TYMS: variants seen among roughly 807,000 people sequenced by gnomAD.
TYMS encodes thymidylate synthetase.
TYMS carries 21 observed loss-of-function variants against 39.3 expected under a neutral mutation model. The ratio of observed to expected loss-of-function variants is 0.54; its 90% confidence interval spans 0.38 to 0.77. The LOEUF is 0.77. Ranked by LOEUF, TYMS falls within the 30% of genes least tolerant of loss-of-function variation. The pLI, the probability that TYMS is intolerant of heterozygous loss-of-function variation, is 0.00. For missense variants in TYMS, 273 were observed against 406.7 expected (o/e 0.67, Z 2.83); for synonymous variants, 171 against 162.2 (o/e 1.05, Z -0.41).
chr18:671,565 G>A (rs945269577), intron 6 of TYMS, 114 bp downstream of exon 6: 1 of 770,096 alleles, frequency 1.3e-6, no homozygotes, highest in African/African-American at 1.7e-5. Flanking sequence ...TGCTCCAAAT[G>A]TGGGGCTTCA....
In TYMS at chr18:657,737, C is replaced by T; in HGVS notation, c.-6C>T. The T allele has an allele frequency of 1.5e-6, 2 of 1,338,076 alleles. No individual in the cohort carries two copies. Among genetic ancestry groups the T allele is most frequent in the African/African-American group, 1.6e-5 (1 of 61,984 alleles). 82.9% of individuals were successfully genotyped at this position (1,338,076 alleles called of 1,614,324 possible). On this transcript the variant is annotated 5_prime_UTR_variant, in exon 1 of 7. Coordinates refer to ENST00000323274, the MANE Select transcript of TYMS (RefSeq NM_001071.4). The stretch of plus-strand genomic sequence containing the variant: ...TCGCCTGCCTCCGTCCCCCGCCCGC[C>T]GCGCCATGCCTGTGGCCGGCTCGGA...
Position 667,571 on chromosome 18 carries a change from AG to A in TYMS, c.455-1500del, listed in dbSNP as rs2074879993. ...GTGATGGAGATGGTGATGGTGATGG[AG>A]ATGGTGATGGTGATGGTGATGGTGA... On this transcript the variant is annotated intron_variant, in intron 3 of 6. Coordinates refer to ENST00000323274, the MANE Select transcript of TYMS (RefSeq NM_001071.4). 20 of 27,952 alleles carry A rather than the reference AG, an allele frequency of 7.2e-4. 2 individuals carry two copies. Among genetic ancestry groups the A allele is most frequent in the Admixed American group, 6.5e-3 (19 of 2,926 alleles). The allele number at this position is 27,952 out of a possible 1,614,324, so 1.7% of individuals were successfully genotyped here.
Position 667,023 on chromosome 18 carries a change from AGATGGTGATGGAGATGGTGATGGT to A in TYMS, c.455-2043_455-2020del, listed in dbSNP as rs2074847005. On this transcript the variant is annotated intron_variant, in intron 3 of 6. Transcript: ENST00000323274. ...GAGATGGTGATGGTGATGGAGATGG[AGATGGTGATGGAGATGGTGATGGT>A]GATGGAGATGGAGATGGTGATGGTG... 3.6e-3 allele frequency among the ~76,000 whole-genome samples: 15 copies of A among 4,124 alleles called. 1 individual carries two copies. Among genetic ancestry groups the A allele is most frequent in the African/African-American group, 0.012 (10 of 824 alleles). The allele number at this position is 4,124 out of a possible 152,430, so 2.7% of individuals were successfully genotyped here.
chr18:664,176 A>G (rs2074784330), intron 3 of TYMS, among the ~76,000 whole-genome samples: 1 of 151,872 alleles, frequency 6.6e-6, no homozygotes, highest in Admixed American at 6.6e-5. Context: ...ATTTCTTTGT[A>G]TCCTCTTTTA....
chr18:667,515 GGT>G (rs1216908741), intron 3 of TYMS, among the ~76,000 whole-genome samples: 4 of 76,464 alleles, frequency 5.2e-5, no homozygotes, highest in Admixed American at 1.1e-4. Flanking sequence ...TGATGGTGAT[GGT>G]GATGGTGATG....
chr18:667,145 ATGGT>A (rs1479653556), intron 3 of TYMS, among the ~76,000 whole-genome samples: 16 of 97,324 alleles, frequency 1.6e-4, no homozygotes, highest in Admixed American at 2.8e-4. Flanking sequence ...GGTGATGGTG[ATGGT>A]GATGGTGATG....
intron 5 of TYMS, 87 bp from the exon 6 acceptor site, chr18:671,293 C>A: frequency 1.1e-6 from 1 of 883,790 alleles, no homozygotes; most frequent in South Asian, 1.4e-5. Flanking sequence ...AAAAGCCTTG[C>A]GGTGTCTGCA....
chr18:667,161 A>AGATGGT (rs1318850948), intron 3 of TYMS, among the ~76,000 whole-genome samples: 12 of 38,520 alleles, frequency 3.1e-4, no homozygotes, highest in Non-Finnish European at 5.0e-4. Context: ...ATGGTGATGG[A>AGATGGT]GATGGTGATG....
At chr18:670,944 T>C in intron 5 of TYMS, 77 bp downstream of exon 5, 1 of 1,520,448 alleles carries the variant, frequency 6.6e-7, no homozygotes, top group Middle Eastern at 2.1e-4. Flanking sequence ...GAAAACAAAT[T>C]GCAGAGTTTA....
intron 3 of TYMS, among the ~76,000 whole-genome samples, chr18:666,679 A>C (rs1156750208): frequency 6.6e-6 from 1 of 152,226 alleles, no homozygotes; most frequent in Non-Finnish European, 1.5e-5. Context: ...CTTCAATAAA[A>C]GCCTAAAATC....
rs967094165 is a variant in TYMS, at chr18:666,118, TAA to T, written c.455-2952_455-2951del. On this transcript the variant is annotated intron_variant, in intron 3 of 6. Transcript: ENST00000323274. The stretch of plus-strand genomic sequence containing the variant: ...CTGTCTAATGTTGACAGTGGGGTGT[TAA>T]AGTCTCCCATTATTAATGTGTGGGA... Among the ~76,000 whole-genome samples the T allele has an allele frequency of 3.9e-4, 40 of 103,588 alleles. 3 individuals are homozygous for T. The highest frequency in any genetic ancestry group is 2.2e-3 in the African/African-American group (37 of 16,862). 68.0% of individuals were successfully genotyped at this position (103,588 alleles called of 152,430 possible). A position where few individuals can be genotyped will look rare whatever the true frequency, so the allele number is the denominator to read the frequency against.
rs76194335 is a variant in TYMS at position 660,598 on chromosome 18, C to T, written c.279+884C>T. 5.3e-5 allele frequency among the ~76,000 whole-genome samples: 8 copies of T among 152,276 alleles called. No homozygotes were observed. The East Asian group carries it at 1.5e-3, about 29-fold the overall frequency. On this transcript the variant is annotated intron_variant, in intron 2 of 6. Transcript: ENST00000323274. The surrounding 1 kb of genome is among the most constrained non-coding windows in gnomAD (Gnocchi z 4.6). ...ACTAAATGTAGATACCACCTGTGTTCCCATGTTCATATAAATTCTAGAAGA... is the reference window on the plus strand; with the variant it reads ...ACTAAATGTAGATACCACCTGTGTTTCCATGTTCATATAAATTCTAGAAGA...
chr18:668,546 T>G (rs942917203), intron 3 of TYMS, among the ~76,000 whole-genome samples: 1 of 152,162 alleles, frequency 6.6e-6, no homozygotes, highest in East Asian at 1.9e-4. Context: ...AAAGTAATTT[T>G]AGGTGGAAGT....
rs1479458794 is a variant in TYMS at position 660,911 on chromosome 18, A to G, written c.279+1197A>G. On this transcript the variant is annotated intron_variant, in intron 2 of 6. Transcript: ENST00000323274. This position sits in a 1 kb window ranked among gnomAD's most constrained non-coding sequence, Gnocchi z 4.6. Reference sequence around the variant, plus strand: ...CCCAAGCCCTCTTATCCCATTTTAGAAAGGGCTTCAATTTGGATCCAGCCC... The same window carrying G: ...CCCAAGCCCTCTTATCCCATTTTAGGAAGGGCTTCAATTTGGATCCAGCCC... 6.6e-6 allele frequency among the ~76,000 whole-genome samples: 1 copy of G among 152,148 alleles called. No individual in the cohort carries two copies. The highest frequency in any genetic ancestry group is 1.5e-5 in the Non-Finnish European group (1 of 68,030).
chr18:672,582 T>C (rs1246810679), intron 6 of TYMS: 2 of 259,290 alleles, frequency 7.7e-6, no homozygotes, highest in Non-Finnish European at 1.5e-5. Context: ...CTTTAATAAA[T>C]TTGCCAAGAG....
intron 3 of TYMS, among the ~76,000 whole-genome samples, chr18:665,174 T>G (rs1474091471): frequency 1.3e-5 from 2 of 151,454 alleles, no homozygotes; most frequent in Non-Finnish European, 1.5e-5. Flanking sequence ...GGTAAGCTAT[T>G]GATTATTGCC....
Position 657,681 on chromosome 18 carries a change from ACTTGGC to A in TYMS, c.-59_-54del. The A allele has an allele frequency of 8.3e-7, 1 of 1,198,680 alleles. No individual in the cohort carries two copies. The highest frequency in any genetic ancestry group is 1.1e-6 in the Non-Finnish European group (1 of 935,388). 74.3% of individuals were successfully genotyped at this position (1,198,680 alleles called of 1,614,324 possible). A position where few individuals can be genotyped will look rare whatever the true frequency, so the allele number is the denominator to read the frequency against. ...TGGCCTGCCTCCGTCCCGCCGCGCCACTTGGCCTGCCTCCGTCCCGCCGCGCCACTT... is the reference window on the plus strand; with the variant it reads ...TGGCCTGCCTCCGTCCCGCCGCGCCACTGCCTCCGTCCCGCCGCGCCACTT... On this transcript the variant is annotated 5_prime_UTR_variant, in exon 1 of 7. Transcript: ENST00000323274.
At chr18:670,621 G>T in intron 4 of TYMS, 71 bp from the exon 5 acceptor site, 1 of 1,549,040 alleles carries the variant, frequency 6.5e-7, no homozygotes, top group South Asian at 1.2e-5. Context: ...TTTCTCTCCT[G>T]TTTTACTTTG....
chr18:669,130 C>G lies in TYMS; in HGVS notation c.513C>G (p.Asn171Lys), dbSNP rs1296735999. ...LQRVIDTIKT[N>K]PDDRRIIMCA... ...GAGTGATTGACACCATCAAAACCAACCCTGACGACAGAAGAATCATCATGT... is the reference window on the plus strand; with the variant it reads ...GAGTGATTGACACCATCAAAACCAAGCCTGACGACAGAAGAATCATCATGT... Residue 171 changes from asparagine (N) to lysine (K), a missense_variant, in exon 4 of 7, where the codon AAC (asparagine) becomes AAG (lysine). Physicochemically the swap from Asn to Lys is moderately conservative, Grantham distance 94. Around this residue, in one of 3 missense-constraint regions of TYMS, gnomAD observed 228 missense variants for 326.1 expected, o/e 0.70. Coordinates refer to ENST00000323274, the MANE Select transcript of TYMS (RefSeq NM_001071.4). 6.2e-7 allele frequency: 1 copy of G among 1,614,162 alleles called. No homozygotes were observed. The highest frequency in any genetic ancestry group is 8.5e-7 in the Non-Finnish European group (1 of 1,180,018).
Sources: allele counts gnomAD v4.1 joint callset (sites outside exome capture counted in the v4.1 genomes callset), GRCh38; gene constraint gnomAD v4.1.1; regional missense constraint gnomAD v4.1.1; non-coding constraint Gnocchi (gnomAD v3.1); transcripts MANE v1.5; gene names NCBI Gene and HGNC (gene_info 2026-07-23, HGNC 2026-07-21).